Variants in CTNNAL1 observed in about 807,000 individuals in gnomAD.
CTNNAL1 encodes catenin alpha like 1.
A neutral mutation model predicts 93.6 loss-of-function variants in CTNNAL1; 69 were observed. The observed-to-expected ratio is 0.74, with a 90% CI of 0.61 to 0.90. The LOEUF is 0.90. Ranked by LOEUF, CTNNAL1 falls within the 40% of genes least tolerant of loss-of-function variation. CTNNAL1 has a pLI of 0.00. For synonymous variants in CTNNAL1, 286 were observed against 305.4 expected, an observed-to-expected ratio of 0.94 and a Z score of 0.66; for missense variants, 836 against 862.0, an observed-to-expected ratio of 0.97 and a Z score of 0.38.
In CTNNAL1 at chr9:108,983,213, C is replaced by T. The variant is rs770311687; in HGVS notation, c.832G>A (p.Asp278Asn). The T allele has an allele frequency of 4.4e-6, 7 of 1,591,872 alleles. No homozygotes were observed. The South Asian group carries it at 8.0e-5, about 18-fold the overall frequency. Residue 278 changes from aspartate to asparagine, a missense_variant, in exon 6 of 19, where the codon GAC becomes AAC. Physicochemically the swap from Asp to Asn is conservative, Grantham distance 23. Coordinates refer to ENST00000325551, the MANE Select transcript of CTNNAL1 (RefSeq NM_003798.4). ...TCAGTCTCTCCATTCGGTTTACAGT[C>T]AGTCACAATTTCAATGACCTTATCC... ...ALDKVIEIVTDCKPNGETDIS... is the reference protein window; with the variant it reads ...ALDKVIEIVTNCKPNGETDIS...
intron 1 of CTNNAL1, among the ~76,000 whole-genome samples, chr9:109,003,644 A>G (rs1255614672): frequency 6.6e-6 from 1 of 152,192 alleles, no homozygotes; most frequent in Non-Finnish European, 1.5e-5. Context: ...ACTGTATAGC[A>G]GTTATTCTAT....
chr9:108,958,890 C>A (rs1403244267), intron 11 of CTNNAL1, among the ~76,000 whole-genome samples: 2 of 150,994 alleles, frequency 1.3e-5, no homozygotes, highest in Non-Finnish European at 2.9e-5. Flanking sequence ...CACACCACCA[C>A]GCTCGGCTAA....
intron 4 of CTNNAL1, among the ~76,000 whole-genome samples, chr9:108,987,271 T>C (rs1831640424): frequency 6.6e-6 from 1 of 151,350 alleles, no homozygotes; most frequent in East Asian, 1.9e-4. Flanking sequence ...CCCAGCACCA[T>C]TTATTAAATA....
At chr9:108,967,942 T>C (rs183296203) in intron 10 of CTNNAL1, among the ~76,000 whole-genome samples, 1 of 152,330 alleles carries the variant, frequency 6.6e-6, no homozygotes, top group East Asian at 1.9e-4. Context: ...TACAGGGCCA[T>C]GTTAGCTAAT....
intron 8 of CTNNAL1, 31 bp from the exon 9 acceptor site, chr9:108,972,864 G>GGGGGGGGCC: frequency 4.9e-5 from 7 of 142,512 alleles, no homozygotes; most frequent in Non-Finnish European, 7.0e-5. Context: ...GGGGGGGTGG[G>GGGGGGGGCC]AGGGTGGAGA....
intron 2 of CTNNAL1, among the ~76,000 whole-genome samples, chr9:108,994,776 C>T (rs1831953045): frequency 6.6e-6 from 1 of 152,140 alleles, no homozygotes; most frequent in Non-Finnish European, 1.5e-5. Context: ...GTATGTCACT[C>T]CCAAGCTTAG....
intron 10 of CTNNAL1, 46 bp downstream of exon 10, chr9:108,970,356 C>G (rs1186780792): frequency 6.5e-7 from 1 of 1,545,006 alleles, no homozygotes; most frequent in Admixed American, 2.0e-5. Flanking sequence ...TGTTATAACA[C>G]TCAGATAGGA....
chr9:108,981,770 C>T (rs1008153588), intron 6 of CTNNAL1, among the ~76,000 whole-genome samples: 5 of 151,992 alleles, frequency 3.3e-5, no homozygotes, highest in African/African-American at 1.2e-4. Flanking sequence ...ATTAAAAGTA[C>T]AAAAATTAGC....
chr9:108,963,044 T>TTGCA (rs1432905901), intron 11 of CTNNAL1, among the ~76,000 whole-genome samples: 2 of 152,180 alleles, frequency 1.3e-5, no homozygotes, highest in Non-Finnish European at 2.9e-5. Context: ...GCAACTTGGG[T>TTGCA]TTGTTTTCTG....
chr9:108,990,917 A>G (rs1269673434), intron 3 of CTNNAL1, 72 bp from the exon 4 acceptor site: 2 of 1,502,498 alleles, frequency 1.3e-6, no homozygotes, highest in Non-Finnish European at 1.8e-6. Flanking sequence ...GGCTGAGTAG[A>G]GAGAAGAAAA....
chr9:108,977,207 T>C (rs1831292163), intron 7 of CTNNAL1, 159 bp from the exon 8 acceptor site: 2 of 388,220 alleles, frequency 5.2e-6, no homozygotes, highest in African/African-American at 4.2e-5. Flanking sequence ...CAGTGGAAAA[T>C]AAAATTTCAG....
intron 1 of CTNNAL1, among the ~76,000 whole-genome samples, chr9:109,008,439 G>A (rs911762983): frequency 9.2e-5 from 14 of 152,040 alleles, no homozygotes; most frequent in African/African-American, 1.9e-4. Context: ...GAGCCACCAC[G>A]CCCAGCCCCA....
At position 108,950,404 on chromosome 9, in the gene CTNNAL1, A is replaced by C. The variant is rs972808360; in HGVS notation, c.1835+1805T>G. ...AAGAACAATGGAAGGAAACCACCAA[A>C]GGAATGGTCTCCAATGATGGAAAAT... is the stretch of plus-strand genomic sequence containing the variant. On this transcript the variant is annotated intron_variant, in intron 14 of 18. Transcript: ENST00000325551. The C allele has an allele frequency of 9.8e-6, 12 of 1,227,676 alleles. No homozygotes were observed. In the Admixed American group the frequency reaches 1.7e-4, roughly 17 times the overall value. The allele number at this position is 1,227,676 out of a possible 1,614,324, so 76.0% of individuals were successfully genotyped here.
chr9:108,977,114 GT>G, intron 7 of CTNNAL1, 66 bp from the exon 8 acceptor site: 1 of 682,984 alleles, frequency 1.5e-6, no homozygotes. Flanking sequence ...TTACAATTTT[GT>G]TTGGACTGTA....
chr9:109,002,821 TA>T (rs78555162), intron 1 of CTNNAL1, among the ~76,000 whole-genome samples: 664 of 124,630 alleles, frequency 5.3e-3, no homozygotes, highest in Admixed American at 6.9e-3. Flanking sequence ...CCATCTCCAC[TA>T]AAAAAAAAAA....
intron 3 of CTNNAL1, among the ~76,000 whole-genome samples, chr9:108,992,378 A>C (rs1446336600): frequency 6.6e-6 from 1 of 152,038 alleles, no homozygotes; most frequent in African/African-American, 2.4e-5. Context: ...AATTAACCTA[A>C]AAAGAACTTT....
chr9:108,982,449 G>A (rs556001440), intron 6 of CTNNAL1, among the ~76,000 whole-genome samples: 1 of 152,210 alleles, frequency 6.6e-6, no homozygotes, highest in African/African-American at 2.4e-5. Flanking sequence ...CTCTAACACA[G>A]AGAAAAGCAG....
intron 1 of CTNNAL1, among the ~76,000 whole-genome samples, chr9:109,010,251 AC>A (rs1349607463): frequency 6.6e-6 from 1 of 152,202 alleles, no homozygotes; most frequent in Non-Finnish European, 1.5e-5. Flanking sequence ...TTAGTATCCT[AC>A]ACTCAGTGAA....
intron 4 of CTNNAL1, among the ~76,000 whole-genome samples, chr9:108,990,011 A>T (rs1330694754): frequency 1.3e-5 from 2 of 152,150 alleles, no homozygotes; most frequent in African/African-American, 4.8e-5. Flanking sequence ...TGATCACGAC[A>T]CTGCACTCCA....
Sources: allele counts gnomAD v4.1 joint callset (sites outside exome capture counted in the v4.1 genomes callset), GRCh38; gene constraint gnomAD v4.1.1; transcripts MANE v1.5; gene names NCBI Gene and HGNC (gene_info 2026-07-23, HGNC 2026-07-21).